Variants in LEMD1 observed in about 807,000 individuals in gnomAD.
The protein encoded by LEMD1 is LEM domain containing 1.
LEMD1 carries 18 observed loss-of-function variants against 17.4 expected under a neutral mutation model. The ratio of observed to expected loss-of-function variants is 1.04; its 90% confidence interval spans 0.72 to 1.54. LEMD1 has a LOEUF of 1.54. LEMD1 is among the 40% of genes most tolerant of loss of function. The pLI, the probability that LEMD1 is intolerant of heterozygous loss-of-function variation, is 0.00. For synonymous variants in LEMD1, 88 were observed against 77.8 expected (o/e 1.13, Z -0.69); for missense variants, 195 against 210.4 (o/e 0.93, Z 0.45).
chr1:205,381,479 G>T lies in LEMD1; in HGVS notation c.*179C>A, dbSNP rs1335834136. 1 of 631,738 alleles carries T rather than the reference G, an allele frequency of 1.6e-6. No homozygotes were observed. The highest frequency in any genetic ancestry group is 2.8e-6 in the Non-Finnish European group (1 of 357,598). 39.1% of individuals were successfully genotyped at this position (631,738 alleles called of 1,614,324 possible). On this transcript the variant is annotated 3_prime_UTR_variant, in exon 6 of 6. Transcript: ENST00000367153. Reference sequence around the variant, plus strand: ...ATCATGCTCTTAACACAGGTGCCTGGTTAGGCAGGTTCCTTCCACCTGGCT... The same window carrying T: ...ATCATGCTCTTAACACAGGTGCCTGTTTAGGCAGGTTCCTTCCACCTGGCT...
At chr1:205,390,655 C>T (rs1172824131) in intron 4 of LEMD1, among the ~76,000 whole-genome samples, 4 of 152,078 alleles carry the variant, frequency 2.6e-5, no homozygotes, top group African/African-American at 9.7e-5. Context: ...GTTGTAAAAT[C>T]AATATACAGA....
chr1:205,432,303 C>T (rs1666135704), intron 1 of LEMD1, among the ~76,000 whole-genome samples: 1 of 152,206 alleles, frequency 6.6e-6, no homozygotes, highest in Admixed American at 6.5e-5. Flanking sequence ...AGCCACTCCT[C>T]CTTTGTGTGC....
At chr1:205,427,899 T>C (rs1321625308) in intron 1 of LEMD1, among the ~76,000 whole-genome samples, 1 of 152,196 alleles carries the variant, frequency 6.6e-6, no homozygotes, top group Non-Finnish European at 1.5e-5. Context: ...AATTCCATAC[T>C]CGTGAAATGG....
At chr1:205,384,151 G>A in intron 5 of LEMD1, 137 bp downstream of exon 5, 1 of 484,290 alleles carries the variant, frequency 2.1e-6, no homozygotes, top group Non-Finnish European at 3.5e-6. Flanking sequence ...GAAATTGTTG[G>A]ATATTACAAA....
At chr1:205,418,547 G>T (rs115658129) in intron 3 of LEMD1, among the ~76,000 whole-genome samples, 1 of 152,100 alleles carries the variant, frequency 6.6e-6, no homozygotes, top group African/African-American at 2.4e-5. Context: ...ACGGAGTCTC[G>T]CTCTGTCCAC....
intron 3 of LEMD1, among the ~76,000 whole-genome samples, chr1:205,417,370 C>A (rs922119719): frequency 6.6e-6 from 1 of 152,200 alleles, no homozygotes; most frequent in Non-Finnish European, 1.5e-5. Context: ...GGACCCAGGA[C>A]GGCGGGGACT....
chr1:205,447,898 G>A (rs1319655489), intron 1 of LEMD1, among the ~76,000 whole-genome samples: 1 of 152,230 alleles, frequency 6.6e-6, no homozygotes, highest in Non-Finnish European at 1.5e-5. Context: ...GCTGACCTCA[G>A]AGAAAGGAGT....
chr1:205,391,512 A>T (rs1664332344), intron 4 of LEMD1, among the ~76,000 whole-genome samples: 1 of 152,198 alleles, frequency 6.6e-6, no homozygotes, highest in African/African-American at 2.4e-5. Flanking sequence ...TTTTGATGTT[A>T]ACTGCCCTGT....
chr1:205,411,589 G>A (rs79039356), intron 4 of LEMD1, among the ~76,000 whole-genome samples: 1 of 139,082 alleles, frequency 7.2e-6, no homozygotes, highest in Admixed American at 7.6e-5. Flanking sequence ...AGAGAGGAAA[G>A]GAAGGAAGGA....
At chr1:205,401,615 A>C (rs1486326022) in intron 4 of LEMD1, among the ~76,000 whole-genome samples, 1 of 152,122 alleles carries the variant, frequency 6.6e-6, no homozygotes, top group African/African-American at 2.4e-5. Flanking sequence ...TCAGATGAGT[A>C]GGTTGCAAAA....
chr1:205,411,555 C>CA (rs1224727332), intron 4 of LEMD1, among the ~76,000 whole-genome samples: 561 of 46,042 alleles, frequency 0.012, 4 homozygotes, highest in African/African-American at 0.026. Flanking sequence ...GACTCCGTCT[C>CA]AAAAAAAAAA....
chr1:205,419,445 C>G, intron 2 of LEMD1, 93 bp from the exon 3 acceptor site: 2 of 1,393,170 alleles, frequency 1.4e-6, no homozygotes, highest in Non-Finnish European at 1.0e-6. Flanking sequence ...GAATTTTATT[C>G]TTAACCCTTA....
At chr1:205,426,652 T>C (rs1405195064), upstream of LEMD1, among the ~76,000 whole-genome samples, 1 of 152,204 alleles carries the variant, frequency 6.6e-6, no homozygotes, top group African/African-American at 2.4e-5. Flanking sequence ...CAGGCTGGCT[T>C]CAGCGAAGGA....
At position 205,419,290 on chromosome 1, in the gene LEMD1, G is replaced by T; in HGVS notation, c.145C>A (p.Pro49Thr). Residue 49 changes from proline (P) to threonine (T), a missense_variant, in exon 3 of 6, where the codon CCA (proline) becomes ACA (threonine). Transcript: ENST00000367153. ...TCTCTGGGTCCATTCATCACAGGTGGTGCACAGGGAGGTGAGACCAACAAC... is the reference window on the plus strand; with the variant it reads ...TCTCTGGGTCCATTCATCACAGGTGTTGCACAGGGAGGTGAGACCAACAAC... Reference protein sequence around the residue: ...VQLLVSPPCAPPVMNGPRELD... With the variant: ...VQLLVSPPCATPVMNGPRELD... 1 of 1,614,200 alleles carries T rather than the reference G, an allele frequency of 6.2e-7. No individual in the cohort carries two copies. The highest frequency in any genetic ancestry group is 2.2e-5 in the East Asian group (1 of 44,894).
Position 205,399,593 on chromosome 1 carries a change from G to T in LEMD1, c.271-15229C>A, listed in dbSNP as rs1422711829. ...AATCAAGGCTCCTGGGGCAGGAAAA[G>T]TATAAGATGAGTCTGAAACATCTTT... On this transcript the variant is annotated intron_variant, in intron 4 of 5. Transcript: ENST00000367153. 2.6e-5 allele frequency among the ~76,000 whole-genome samples: 4 copies of T among 152,358 alleles called. No individual in the cohort carries two copies. The East Asian group carries it at 7.7e-4, about 29-fold the overall frequency.
At chr1:205,406,628 G>A (rs1160006087) in intron 4 of LEMD1, among the ~76,000 whole-genome samples, 3 of 152,166 alleles carry the variant, frequency 2.0e-5, no homozygotes, top group Non-Finnish European at 2.9e-5. Flanking sequence ...CCTTGACCAG[G>A]AAAGGGAACT....
chr1:205,395,532 T>C (rs1227556056), intron 4 of LEMD1, among the ~76,000 whole-genome samples: 1 of 151,366 alleles, frequency 6.6e-6, no homozygotes, highest in African/African-American at 2.4e-5. Flanking sequence ...AGATGGATGT[T>C]GCGGTGAGCC....
chr1:205,396,228 T>C (rs1017020660), intron 4 of LEMD1, among the ~76,000 whole-genome samples: 1 of 152,218 alleles, frequency 6.6e-6, no homozygotes, highest in African/African-American at 2.4e-5. Context: ...TTACCCAGGC[T>C]GGTCTTGAAC....
At chr1:205,397,666 C>A (rs1447622598) in intron 4 of LEMD1, among the ~76,000 whole-genome samples, 7 of 152,114 alleles carry the variant, frequency 4.6e-5, no homozygotes. Context: ...GCTTACGAAG[C>A]CCTGACAAGT....
Sources: allele counts gnomAD v4.1 joint callset (sites outside exome capture counted in the v4.1 genomes callset), GRCh38; gene constraint gnomAD v4.1.1; transcripts MANE v1.5; gene names NCBI Gene and HGNC (gene_info 2026-07-23, HGNC 2026-07-21).